LRP1B: variants seen among roughly 807,000 people sequenced by gnomAD.
LRP1B encodes low-density lipoprotein receptor-related protein 1B.
Under a neutral mutation model 556.6 loss-of-function variants are expected in LRP1B, and 217 were observed. The observed-to-expected ratio is 0.39, with a 90% confidence interval of 0.35 to 0.44. The LOEUF (loss-of-function observed/expected upper bound fraction) is 0.44. Ranked by LOEUF, LRP1B falls within the 20% of genes least tolerant of loss-of-function variation. The pLI is 1.00. For missense variants in LRP1B, 5,053 were observed against 5,620.8 expected (o/e 0.90, Z 3.23); for synonymous variants, 2,047 against 1,865.8 (o/e 1.10, Z -2.50).
intron 2 of LRP1B, among the ~76,000 whole-genome samples, chr2:141,666,508 A>G (rs4954921): frequency 0.088 from 13,406 of 152,192 alleles, 668 homozygotes; most frequent in South Asian, 0.15. Context: ...TACTTTACAT[A>G]CTGATTTCTC....
At chr2:140,954,484 C>T (rs1335335662) in intron 18 of LRP1B, among the ~76,000 whole-genome samples, 1 of 151,788 alleles carries the variant, frequency 6.6e-6, no homozygotes, top group East Asian at 1.9e-4. Context: ...CTAAGTTTTG[C>T]TAAGAAAAAA....
rs1684453086 is a variant in LRP1B, at chr2:140,400,610, G to T, written c.10415-14601C>A. Among the ~76,000 whole-genome samples, 3 of 152,184 alleles carry T rather than the reference G, an allele frequency of 2.0e-5. No homozygotes were observed. In the South Asian group the frequency reaches 6.2e-4, roughly 31 times the overall value. ...CAACAATCATGCATTGAAGGTGGCAGACTGGAAGCAGTGCTAGCATGTCTC... is the reference window on the plus strand; with the variant it reads ...CAACAATCATGCATTGAAGGTGGCATACTGGAAGCAGTGCTAGCATGTCTC... On this transcript the variant is annotated intron_variant, in intron 66 of 90. Transcript: ENST00000389484.
intron 63 of LRP1B, among the ~76,000 whole-genome samples, chr2:140,447,825 A>T (rs892323750): frequency 1.1e-4 from 17 of 152,110 alleles, no homozygotes; most frequent in African/African-American, 4.1e-4. Context: ...GAACACTTAG[A>T]GACCATTGTG....
At chr2:140,953,558 A>G (rs1695783737) in intron 18 of LRP1B, among the ~76,000 whole-genome samples, 1 of 152,176 alleles carries the variant, frequency 6.6e-6, no homozygotes, top group South Asian at 2.1e-4. Flanking sequence ...TATTCTCTGC[A>G]TTGTCTCAGG....
chr2:141,293,629 T>TC (rs1014352471), intron 3 of LRP1B, among the ~76,000 whole-genome samples: 2 of 152,062 alleles, frequency 1.3e-5, no homozygotes, highest in African/African-American at 4.8e-5. Context: ...TACATTCTTT[T>TC]TTTTTTTTTT....
At chr2:141,224,412 AAGAC>A (rs1396884202) in intron 6 of LRP1B, among the ~76,000 whole-genome samples, 2 of 152,210 alleles carry the variant, frequency 1.3e-5, no homozygotes, top group African/African-American at 4.8e-5. Flanking sequence ...ACCATTGTGA[AAGAC>A]AGAGTGGCAA....
chr2:140,950,120 A>G (rs746625712), intron 20 of LRP1B, 115 bp downstream of exon 20: 95 of 698,742 alleles, frequency 1.4e-4, no homozygotes, highest in Non-Finnish European at 1.9e-4. Flanking sequence ...TTCCACATGT[A>G]TATTCTTGCC....
At chr2:140,579,081 G>A (rs1346528551) in intron 43 of LRP1B, among the ~76,000 whole-genome samples, 1 of 152,084 alleles carries the variant, frequency 6.6e-6, no homozygotes, top group African/African-American at 2.4e-5. Context: ...AGAGGAAAGG[G>A]AGCAAAGGAG....
chr2:140,239,972 G>T (rs908954922), intron 87 of LRP1B, among the ~76,000 whole-genome samples: 1 of 150,920 alleles, frequency 6.6e-6, no homozygotes, highest in African/African-American at 2.4e-5. Context: ...AGGGGTCCAT[G>T]TGACAAGTTA....
rs551593303 is a variant in LRP1B, at chr2:141,461,641, A to G, written c.343+18755T>C. ...AATATTTATCCAGACAGGTAAATAAAATATAAACAAAGCAACCATACTTTT... is the reference window on the plus strand; with the variant it reads ...AATATTTATCCAGACAGGTAAATAAGATATAAACAAAGCAACCATACTTTT... On this transcript the variant is annotated intron_variant, in intron 3 of 90. Coordinates refer to ENST00000389484, the MANE Select transcript of LRP1B (RefSeq NM_018557.3). 3.3e-5 allele frequency among the ~76,000 whole-genome samples: 5 copies of G among 152,348 alleles called. No individual in the cohort carries two copies. In the East Asian group the frequency reaches 9.6e-4, roughly 29 times the overall value.
chr2:142,010,574 A>AAAAG, intron 1 of LRP1B, among the ~76,000 whole-genome samples: 1 of 151,010 alleles, frequency 6.6e-6, no homozygotes, highest in Non-Finnish European at 1.5e-5. Context: ...AAAAAAAAAA[A>AAAAG]AAAAAGAAAG....
chr2:141,603,934 T>A (rs1475302670), intron 2 of LRP1B, among the ~76,000 whole-genome samples: 1 of 152,122 alleles, frequency 6.6e-6, no homozygotes, highest in East Asian at 1.9e-4. Flanking sequence ...TAAGACCCAG[T>A]TTTGTAAGGA....
At chr2:141,731,116 G>T (rs961094262) in intron 2 of LRP1B, among the ~76,000 whole-genome samples, 4 of 152,020 alleles carry the variant, frequency 2.6e-5, no homozygotes, top group Non-Finnish European at 5.9e-5. Context: ...ATTTGCTAAG[G>T]GTCCTCCTTT....
At chr2:140,494,606 C>CA (rs77006034) in intron 56 of LRP1B, among the ~76,000 whole-genome samples, 2,006 of 61,350 alleles carry the variant, frequency 0.033, 46 homozygotes, top group African/African-American at 0.038. Flanking sequence ...GACTCCGTCT[C>CA]AAAAAAAAAA....
intron 84 of LRP1B, among the ~76,000 whole-genome samples, chr2:140,289,566 C>T (rs995411475): frequency 6.6e-6 from 1 of 151,262 alleles, no homozygotes; most frequent in Admixed American, 6.6e-5. Context: ...TATGTATAAG[C>T]ACGTACGCCT....
intron 43 of LRP1B, among the ~76,000 whole-genome samples, chr2:140,598,000 G>A (rs1186612229): frequency 6.6e-6 from 1 of 152,148 alleles, no homozygotes; most frequent in Admixed American, 6.6e-5. Flanking sequence ...TCTAACCACT[G>A]AGGTTCCCAG....
rs549584127 is a variant in LRP1B, at chr2:141,378,911, C to T, written c.343+101485G>A. ...ACCGAGCAGACAACCACTCATATAA[C>T]GGAAATCCCAGAAAGAAAGGAGACG... On this transcript the variant is annotated intron_variant, in intron 3 of 90. Coordinates refer to ENST00000389484, the MANE Select transcript of LRP1B (RefSeq NM_018557.3). Among the ~76,000 whole-genome samples, 67 of 152,066 alleles carry T rather than the reference C, an allele frequency of 4.4e-4. No homozygotes were observed. The South Asian group carries it at 6.0e-3, about 14-fold the overall frequency.
chr2:141,826,504 T>G (rs1465041106), intron 1 of LRP1B, among the ~76,000 whole-genome samples: 1 of 151,844 alleles, frequency 6.6e-6, no homozygotes, highest in East Asian at 1.9e-4. Context: ...GGACTACAGG[T>G]GCCCGCCACC....
chr2:140,477,167 A>T (rs1329899440), intron 59 of LRP1B, among the ~76,000 whole-genome samples: 1 of 152,076 alleles, frequency 6.6e-6, no homozygotes, highest in Admixed American at 6.5e-5. Context: ...AAGAAGTAAA[A>T]ATAAAAAGAT....
Sources: allele counts gnomAD v4.1 joint callset (sites outside exome capture counted in the v4.1 genomes callset), GRCh38; gene constraint gnomAD v4.1.1; transcripts MANE v1.5; gene names NCBI Gene and HGNC (gene_info 2026-07-23, HGNC 2026-07-21).